The following SGK1 variants were observed in gnomAD, a reference collection of about 807,000 sequenced individuals.
SGK1 encodes the protein serum/glucocorticoid regulated kinase 1.
Under a neutral mutation model 64.2 loss-of-function variants are expected in SGK1, and 26 were observed. The ratio of observed to expected loss-of-function variants is 0.40; its 90% CI spans 0.30 to 0.56. The LOEUF (loss-of-function observed/expected upper bound fraction) is 0.56, where lower values mean the gene tolerates loss of function less well. SGK1 is among the 20% of genes least tolerant of loss of function. The pLI, the probability that SGK1 is intolerant of heterozygous loss-of-function variation, is 0.38. For missense variants in SGK1, 519 were observed against 645.6 expected, an observed-to-expected ratio of 0.80 and a Z score of 2.12; for synonymous variants, 265 against 239.7, an observed-to-expected ratio of 1.11 and a Z score of -0.98.
intron 2 of SGK1, among the ~76,000 whole-genome samples, chr6:134,231,309 A>G (rs1372192477): frequency 6.6e-6 from 1 of 151,810 alleles, no homozygotes; most frequent in Non-Finnish European, 1.5e-5. Flanking sequence ...TTGTCCACAT[A>G]TATTAAATAA....
chr6:134,175,903 G>T (rs1308098518), intron 3 of SGK1: 3 of 1,213,478 alleles, frequency 2.5e-6, no homozygotes, highest in Non-Finnish European at 3.1e-6. Context: ...AAAGAAAGAG[G>T]GAAAAGGGGG....
intron 2 of SGK1, among the ~76,000 whole-genome samples, chr6:134,231,797 T>C (rs1776281592): frequency 6.6e-6 from 1 of 152,062 alleles, no homozygotes; most frequent in Admixed American, 6.5e-5. Context: ...CCCAGCACTT[T>C]GGGAGGCCAA....
intron 2 of SGK1, among the ~76,000 whole-genome samples, chr6:134,212,434 A>G (rs1032955757): frequency 6.6e-6 from 1 of 152,214 alleles, no homozygotes; most frequent in Non-Finnish European, 1.5e-5. Context: ...AATATTTGAA[A>G]GTAGCTATTA....
intron 3 of SGK1, among the ~76,000 whole-genome samples, chr6:134,184,504 CAAAAAA>C (rs1162404618): frequency 1.6e-5 from 1 of 63,574 alleles, no homozygotes; most frequent in Non-Finnish European, 2.8e-5. Flanking sequence ...GACTCCATCT[CAAAAAA>C]AAAAAAAAAA....
At chr6:134,284,693 A>T (rs1213314045) in intron 1 of SGK1, among the ~76,000 whole-genome samples, 3 of 152,024 alleles carry the variant, frequency 2.0e-5, no homozygotes, top group African/African-American at 7.2e-5. Flanking sequence ...CCAACAGGCC[A>T]GTTTGGTCTC....
chr6:134,185,957 C>G (rs540622257), intron 3 of SGK1, among the ~76,000 whole-genome samples: 11 of 152,138 alleles, frequency 7.2e-5, no homozygotes, highest in African/African-American at 2.7e-4. Flanking sequence ...CACTACCCCC[C>G]ACACCCCCCT....
intron 2 of SGK1, among the ~76,000 whole-genome samples, chr6:134,239,733 T>C (rs1776414683): frequency 6.6e-6 from 1 of 152,122 alleles, no homozygotes; most frequent in Non-Finnish European, 1.5e-5. Context: ...GACCTCTCAT[T>C]TGTAAATGTG....
intron 2 of SGK1, among the ~76,000 whole-genome samples, chr6:134,240,937 GAGA>G (rs1388942047): frequency 6.6e-6 from 1 of 152,106 alleles, no homozygotes; most frequent in Admixed American, 6.6e-5. Flanking sequence ...GACAAGACTG[GAGA>G]AGAAGCCCTT....
intron 3 of SGK1, among the ~76,000 whole-genome samples, chr6:134,188,908 C>CTTTTTT (rs34316759): frequency 1.6e-3 from 175 of 110,080 alleles, no homozygotes; most frequent in East Asian, 3.4e-3. Context: ...ATTTCTTTTT[C>CTTTTTT]TTTTTTTTTT....
At chr6:134,235,527 G>A (rs1562260602) in intron 2 of SGK1, among the ~76,000 whole-genome samples, 3 of 69,882 alleles carry the variant, frequency 4.3e-5, no homozygotes. Context: ...GGAGGAAGTG[G>A]AAAAAATAGA....
intron 2 of SGK1, chr6:134,261,549 A>T: frequency 2.3e-6 from 1 of 433,532 alleles, no homozygotes; most frequent in Admixed American, 3.9e-5. Context: ...TAACTGTATG[A>T]TACTGTAATG....
chr6:134,306,205 C>A (rs1213573454), intron 1 of SGK1, among the ~76,000 whole-genome samples: 1 of 152,108 alleles, frequency 6.6e-6, no homozygotes, highest in Non-Finnish European at 1.5e-5. Flanking sequence ...GGTGGATCAC[C>A]TGAGGTCAAG....
chr6:134,197,783 G>A (rs771727080), intron 3 of SGK1, among the ~76,000 whole-genome samples: 62 of 150,386 alleles, frequency 4.1e-4, no homozygotes, highest in Non-Finnish European at 7.8e-4. Flanking sequence ...CTGAGATCGC[G>A]CCACTGAGAG....
At chr6:134,240,089 C>G (rs531952622) in intron 2 of SGK1, among the ~76,000 whole-genome samples, 7 of 152,152 alleles carry the variant, frequency 4.6e-5, no homozygotes, top group African/African-American at 1.4e-4. Flanking sequence ...GCCAGGAGTT[C>G]AAGACCAGCC....
intron 2 of SGK1, among the ~76,000 whole-genome samples, chr6:134,259,541 G>A (rs1776732280): frequency 6.6e-6 from 1 of 152,072 alleles, no homozygotes; most frequent in South Asian, 2.1e-4. Flanking sequence ...CTACTCAGGA[G>A]GCTGAGGCAG....
At chr6:134,302,028 G>C (rs1324974615) in intron 1 of SGK1, among the ~76,000 whole-genome samples, 1 of 152,194 alleles carries the variant, frequency 6.6e-6, no homozygotes, top group African/African-American at 2.4e-5. Flanking sequence ...GCCTTAATGA[G>C]AAATATTTTA....
Position 134,173,148 on chromosome 6 carries a change from G to C in SGK1, c.709C>G (p.His237Asp). 1 of 1,612,382 alleles carries C rather than the reference G, an allele frequency of 6.2e-7. No homozygotes were observed. The highest frequency in any genetic ancestry group is 8.5e-7 in the Non-Finnish European group (1 of 1,178,762). The change falls in exon 8 of 14, where the codon CAT becomes GAT. Residue 237 changes from histidine (H) to aspartate (D), a missense_variant. His to Asp is a moderately conservative substitution (Grantham distance 81). Around this residue, in one of 2 missense-constraint regions of SGK1, gnomAD observed 278 missense variants for 408.7 expected, o/e 0.68. Transcript: ENST00000367858. ...KAILKKKEEK[H>D]IMSERNVLLK... is the part of the protein sequence containing the mutation. Reference sequence around the variant, plus strand: ...AGAACATTCCGCTCCGACATAATATGCTTCTCCTAGGAAAATGACGATTCA... The same window carrying C: ...AGAACATTCCGCTCCGACATAATATCCTTCTCCTAGGAAAATGACGATTCA...
At chr6:134,268,384 G>A (rs1200550933) in intron 1 of SGK1, among the ~76,000 whole-genome samples, 1 of 152,256 alleles carries the variant, frequency 6.6e-6, no homozygotes. Context: ...GAAGCGCATT[G>A]TAAACAAACA....
chr6:134,256,555 G>A (rs1380626055), intron 2 of SGK1, among the ~76,000 whole-genome samples: 1 of 152,112 alleles, frequency 6.6e-6, no homozygotes, highest in Non-Finnish European at 1.5e-5. Context: ...AGGTGCCGTG[G>A]GAGATACAAT....
Sources: gnomAD v4.1 joint callset for allele counts (sites outside exome capture counted in the v4.1 genomes callset) on GRCh38, gnomAD v4.1.1 for gene constraint, gnomAD v4.1.1 regional missense constraint, MANE v1.5 for transcripts, NCBI Gene and HGNC (gene_info 2026-07-23, HGNC 2026-07-21) for gene names.